DNAH9: variants seen among roughly 807,000 people sequenced by gnomAD.
DNAH9 encodes the protein dynein axonemal heavy chain 9, also known as DNAH9 variant protein.
In DNAH9, 345 loss-of-function variants were observed where a neutral mutation model predicts 471.6. That is an observed-to-expected ratio of 0.73 (90% CI 0.67 to 0.80). The LOEUF (loss-of-function observed/expected upper bound fraction) is 0.80. Among genes scored for constraint, DNAH9 ranks in the 30% least tolerant of loss-of-function variants. DNAH9 has a pLI of 0.00. For missense variants in DNAH9, 5,407 were observed against 5,609.2 expected (o/e 0.96, Z 1.15); for synonymous variants, 2,093 against 2,123.6 (o/e 0.99, Z 0.40).
chr17:11,810,132 TTTAA>T, intron 44 of DNAH9, 110 bp from the exon 45 acceptor site: 1 of 1,331,020 alleles, frequency 7.5e-7, no homozygotes, highest in Non-Finnish European at 1.0e-6. Context: ...GTCACCTTAC[TTTAA>T]TTCCCATTCA....
At chr17:11,840,612 A>G (rs1030592601) in intron 49 of DNAH9, among the ~76,000 whole-genome samples, 2 of 152,230 alleles carry the variant, frequency 1.3e-5, no homozygotes, top group Admixed American at 6.5e-5. Context: ...GTTGCCTCAT[A>G]TAACAAAAGT....
intron 50 of DNAH9, among the ~76,000 whole-genome samples, chr17:11,868,102 C>T (rs1204230355): frequency 6.6e-6 from 1 of 152,194 alleles, no homozygotes; most frequent in African/African-American, 2.4e-5. Flanking sequence ...GTTGGACTCC[C>T]TCACCCTCCA....
chr17:11,873,738 G>A (rs1433447509), intron 52 of DNAH9, among the ~76,000 whole-genome samples: 2 of 150,478 alleles, frequency 1.3e-5, no homozygotes, highest in African/African-American at 2.5e-5. Context: ...TCCACGAGCT[G>A]GGGGTAGACA....
At position 11,704,028 on chromosome 17, in the gene DNAH9, T is replaced by C. The variant is rs75790665; in HGVS notation, c.5152-175T>C. ...CTTTTCCCACCTGTACCGCAACAAC[T>C]TCACACCTTCAAGGGTTTAGAGCAT... On this transcript the variant is annotated intron_variant, in intron 24 of 68. Transcript: ENST00000262442. Among the ~76,000 whole-genome samples, 3,866 of 152,280 alleles carry C rather than the reference T, an allele frequency of 0.025. 160 individuals carry two copies. The highest frequency in any genetic ancestry group is 0.087 in the African/African-American group (3,601 of 41,538).
chr17:11,905,552 C>A, intron 60 of DNAH9, 109 bp from the exon 61 acceptor site: 1 of 1,196,772 alleles, frequency 8.4e-7, no homozygotes, highest in Non-Finnish European at 1.2e-6. Flanking sequence ...ACTACCTAGC[C>A]CATGACCTTG....
At position 11,623,017 on chromosome 17, in the gene DNAH9, A is replaced by G. The variant is rs1392083000; in HGVS notation, c.1350+3236A>G. Reference sequence around the variant, plus strand: ...AGATGGAGTTTTGCTCTTGTTGCCCAGGCTGGAGTGCAGTGGCACAATCTC... The same window carrying G: ...AGATGGAGTTTTGCTCTTGTTGCCCGGGCTGGAGTGCAGTGGCACAATCTC... On this transcript the variant is annotated intron_variant, in intron 6 of 68. Coordinates refer to ENST00000262442, the MANE Select transcript of DNAH9 (RefSeq NM_001372.4). This position sits in a 1 kb window ranked among gnomAD's most constrained non-coding sequence, Gnocchi z 4.1. Among the ~76,000 whole-genome samples, 2 of 131,246 alleles carry G rather than the reference A, an allele frequency of 1.5e-5. No individual in the cohort carries two copies. The allele number at this position is 131,246 out of a possible 152,430, so 86.1% of individuals were successfully genotyped here. A position where few individuals can be genotyped will look rare whatever the true frequency, so the allele number is the denominator to read the frequency against.
intron 35 of DNAH9, among the ~76,000 whole-genome samples, chr17:11,760,261 G>A (rs144432733): frequency 4.4e-4 from 67 of 152,204 alleles, no homozygotes; most frequent in African/African-American, 1.5e-3. Flanking sequence ...TTGCATCCCC[G>A]TTCTTTAGGA....
chr17:11,951,642 C>T (rs567032578), intron 67 of DNAH9, among the ~76,000 whole-genome samples: 135 of 151,314 alleles, frequency 8.9e-4, no homozygotes, highest in Non-Finnish European at 1.8e-3. Context: ...ATTAAAAATT[C>T]GGCCGGGTGT....
chr17:11,785,608 C>A (rs988831042), intron 41 of DNAH9, among the ~76,000 whole-genome samples: 1 of 152,108 alleles, frequency 6.6e-6, no homozygotes, highest in Non-Finnish European at 1.5e-5. Context: ...AATCAATGAG[C>A]CCCTCAGAAT....
chr17:11,812,563 C>T (rs1969965635), intron 45 of DNAH9, among the ~76,000 whole-genome samples: 1 of 152,068 alleles, frequency 6.6e-6, no homozygotes, highest in Admixed American at 6.6e-5. Flanking sequence ...GCCACTGGTC[C>T]CTGGTCCAGA....
chr17:11,953,944 A>C (rs1975515227), intron 67 of DNAH9: 1 of 152,064 alleles, frequency 6.6e-6, no homozygotes, highest in Non-Finnish European at 1.5e-5. Flanking sequence ...ATTTATAGAG[A>C]TGAAAAATAC....
intron 1 of DNAH9, 87 bp from the exon 2 acceptor site, chr17:11,608,042 G>T: frequency 9.4e-7 from 1 of 1,069,470 alleles, no homozygotes. Context: ...GTTGTATATA[G>T]CTTTATAAGC....
intron 30 of DNAH9, 96 bp downstream of exon 30, chr17:11,742,409 G>A (rs2075446064): frequency 2.4e-6 from 3 of 1,274,368 alleles, no homozygotes; most frequent in Middle Eastern, 2.0e-4. Context: ...ACATACTCAA[G>A]CTTTCTCATA....
chr17:11,716,969 A>G lies in DNAH9; in HGVS notation c.5553-2365A>G, dbSNP rs2074975719. On this transcript the variant is annotated intron_variant, in intron 26 of 68. Coordinates refer to ENST00000262442, the MANE Select transcript of DNAH9 (RefSeq NM_001372.4). The stretch of plus-strand genomic sequence containing the variant: ...GGGATCCACCTGGAGCCAGAAACTC[A>G]AGAGCCCAGGAGGGCAGGTTCAGGT... Among the ~76,000 whole-genome samples the G allele has an allele frequency of 2.0e-5, 3 of 152,212 alleles. No homozygotes were observed. In the South Asian group the frequency reaches 6.2e-4, roughly 31 times the overall value.
intron 37 of DNAH9, 63 bp downstream of exon 37, chr17:11,768,689 C>T: frequency 1.3e-6 from 2 of 1,567,094 alleles, no homozygotes; most frequent in Non-Finnish European, 1.7e-6. Context: ...GCAGTGGCTC[C>T]AGTAGCAGCC....
chr17:11,631,922 A>G (rs1194291776), intron 7 of DNAH9, among the ~76,000 whole-genome samples: 2 of 152,084 alleles, frequency 1.3e-5, no homozygotes, highest in Non-Finnish European at 2.9e-5. Context: ...GAAAATTGCT[A>G]CGTGCTAAGA....
intron 26 of DNAH9, among the ~76,000 whole-genome samples, chr17:11,706,078 A>G (rs1336467005): frequency 6.6e-6 from 1 of 152,172 alleles, no homozygotes; most frequent in Non-Finnish European, 1.5e-5. Flanking sequence ...CTTTCCAGGC[A>G]TATTTATAAA....
chr17:11,637,319 G>A (rs1423260076), intron 9 of DNAH9, among the ~76,000 whole-genome samples: 3 of 152,150 alleles, frequency 2.0e-5, no homozygotes, highest in African/African-American at 4.8e-5. Flanking sequence ...CTTACTACAT[G>A]CCAAGCATGC....
chr17:11,840,464 A>T (rs2150958473), intron 49 of DNAH9, among the ~76,000 whole-genome samples: 1 of 152,302 alleles, frequency 6.6e-6, no homozygotes, highest in East Asian at 1.9e-4. Context: ...TTTTCCTTAT[A>T]CATATATCTT....
Sources: allele counts gnomAD v4.1 joint callset (sites outside exome capture counted in the v4.1 genomes callset), GRCh38; gene constraint gnomAD v4.1.1; non-coding constraint Gnocchi (gnomAD v3.1); transcripts MANE v1.5; gene names NCBI Gene and HGNC (gene_info 2026-07-23, HGNC 2026-07-21).